Variants in EVA1C observed in about 807,000 individuals in gnomAD.
EVA1C encodes eva-1 homolog C, also known as protein eva-1 homolog C.
Under a neutral mutation model 45.4 loss-of-function variants are expected in EVA1C, and 25 were observed. The ratio of observed to expected loss-of-function variants is 0.55; its 90% confidence interval spans 0.40 to 0.77. The LOEUF is 0.77. Among genes scored for constraint, EVA1C ranks in the 30% least tolerant of loss-of-function variants. The pLI is 0.00. For synonymous variants in EVA1C, 190 were observed against 221.2 expected, an observed-to-expected ratio of 0.86 and a Z score of 1.25; for missense variants, 479 against 554.8, an observed-to-expected ratio of 0.86 and a Z score of 1.37.
intron 1 of EVA1C, among the ~76,000 whole-genome samples, chr21:32,451,321 G>C (rs1260173827): frequency 6.6e-6 from 1 of 152,190 alleles, no homozygotes; most frequent in Non-Finnish European, 1.5e-5. Context: ...TCAGTGAAAA[G>C]TCCCTGGCTC....
intron 2 of EVA1C, among the ~76,000 whole-genome samples, chr21:32,455,144 G>A (rs2035730751): frequency 6.6e-6 from 1 of 152,132 alleles, no homozygotes; most frequent in Non-Finnish European, 1.5e-5. Context: ...CATAGGTTTG[G>A]TGTCTCTACT....
At chr21:32,458,540 T>A (rs2035876108) in intron 3 of EVA1C, among the ~76,000 whole-genome samples, 1 of 149,170 alleles carries the variant, frequency 6.7e-6, no homozygotes, top group South Asian at 2.1e-4. Context: ...TGGAGTGCAA[T>A]GCGCAATCTC....
intron 1 of EVA1C, among the ~76,000 whole-genome samples, chr21:32,427,605 C>T (rs1274703787): frequency 1.3e-5 from 2 of 151,910 alleles, no homozygotes; most frequent in South Asian, 2.1e-4. Flanking sequence ...CCCAGTTACT[C>T]GGGAGGCTGA....
chr21:32,467,375 T>C (rs910212016), intron 3 of EVA1C, among the ~76,000 whole-genome samples: 2 of 152,222 alleles, frequency 1.3e-5, no homozygotes, highest in African/African-American at 4.8e-5. Flanking sequence ...AAGTGGTGAG[T>C]GAGAGAAACT....
chr21:32,461,215 A>G (rs948119630), intron 3 of EVA1C, among the ~76,000 whole-genome samples: 1 of 152,262 alleles, frequency 6.6e-6, no homozygotes, highest in Non-Finnish European at 1.5e-5. Flanking sequence ...GTAGGAGCAC[A>G]GCACCAAGAC....
chr21:32,485,565 C>T (rs1366106247), intron 4 of EVA1C, among the ~76,000 whole-genome samples: 2 of 152,164 alleles, frequency 1.3e-5, no homozygotes, highest in Non-Finnish European at 2.9e-5. Context: ...TGTCCTGGCT[C>T]CTCATGGGCC....
rs185113763 is a variant in EVA1C, at chr21:32,474,737, C to T, written c.634+6889C>T. 2.6e-4 allele frequency among the ~76,000 whole-genome samples: 40 copies of T among 152,354 alleles called. No individual in the cohort carries two copies. Among genetic ancestry groups the T allele is most frequent in the Admixed American group, 2.5e-3 (39 of 15,300 alleles). On this transcript the variant is annotated intron_variant, in intron 4 of 7. Coordinates refer to ENST00000300255, the MANE Select transcript of EVA1C (RefSeq NM_058187.5). This position sits in a 1 kb window ranked among gnomAD's most constrained non-coding sequence, Gnocchi z 4.4. Reference sequence around the variant, plus strand: ...GCCCCTCTGAAGTGAGGTGCCCACACTCGGCTCCCGAGGATGGATAATCGT... The same window carrying T: ...GCCCCTCTGAAGTGAGGTGCCCACATTCGGCTCCCGAGGATGGATAATCGT...
chr21:32,514,773 C>T (rs2146488784), intron 7 of EVA1C, 41 bp from the exon 8 acceptor site: 2 of 1,500,526 alleles, frequency 1.3e-6, no homozygotes. Flanking sequence ...TGGAGTCTGC[C>T]AGCTCCTCCC....
At chr21:32,467,131 T>C (rs1235231894) in intron 3 of EVA1C, among the ~76,000 whole-genome samples, 1 of 152,078 alleles carries the variant, frequency 6.6e-6, no homozygotes, top group Non-Finnish European at 1.5e-5. Context: ...CTAGCCTGGG[T>C]AACAGAGTGA....
intron 3 of EVA1C, among the ~76,000 whole-genome samples, chr21:32,460,756 C>CTTTTT (rs3056330): frequency 8.0e-5 from 12 of 149,822 alleles, no homozygotes; most frequent in Admixed American, 2.0e-4. Context: ...ACAGAAGAAT[C>CTTTTT]TTTTTTTTGG....
chr21:32,465,996 C>T (rs911889860), intron 3 of EVA1C, among the ~76,000 whole-genome samples: 1 of 152,184 alleles, frequency 6.6e-6, no homozygotes, highest in Non-Finnish European at 1.5e-5. Context: ...TGTGACCTCA[C>T]CTTCAGCCTC....
chr21:32,502,102 ACTTTTT>A (rs1024407278), intron 6 of EVA1C, among the ~76,000 whole-genome samples: 2 of 109,918 alleles, frequency 1.8e-5, no homozygotes, highest in Non-Finnish European at 4.0e-5. Context: ...TTCTTTCCTT[ACTTTTT>A]CTTCTTTTTC....
chr21:32,412,700 G>T (rs1270791615), upstream of EVA1C: 37 of 698,320 alleles, frequency 5.3e-5, no homozygotes, highest in Non-Finnish European at 7.7e-5. Context: ...GCTGGCCCGC[G>T]CAGGGGAGGA....
At chr21:32,460,340 C>A (rs1210093713) in intron 3 of EVA1C, among the ~76,000 whole-genome samples, 2 of 152,162 alleles carry the variant, frequency 1.3e-5, no homozygotes, top group African/African-American at 2.4e-5. Context: ...AAAACAACAA[C>A]AAAAAACATC....
At chr21:32,463,055 A>G (rs927076037) in intron 3 of EVA1C, among the ~76,000 whole-genome samples, 1 of 152,144 alleles carries the variant, frequency 6.6e-6, no homozygotes, top group Non-Finnish European at 1.5e-5. Flanking sequence ...TGGTCTCGGC[A>G]GTGATGTGCT....
chr21:32,457,518 C>T (rs2035830301), intron 2 of EVA1C, 79 bp from the exon 3 acceptor site: 2 of 1,581,562 alleles, frequency 1.3e-6, no homozygotes, highest in Non-Finnish European at 1.7e-6. Flanking sequence ...TTTGCAGAGC[C>T]CAGAGCAGCC....
intron 4 of EVA1C, among the ~76,000 whole-genome samples, chr21:32,469,404 G>A (rs1030771169): frequency 4.6e-5 from 7 of 152,186 alleles, no homozygotes; most frequent in Non-Finnish European, 8.8e-5. Flanking sequence ...AAGTGTCCAG[G>A]TAGAGAGAAG....
At chr21:32,428,939 G>A (rs182501341) in intron 1 of EVA1C, among the ~76,000 whole-genome samples, 1 of 152,048 alleles carries the variant, frequency 6.6e-6, no homozygotes, top group East Asian at 1.9e-4. Flanking sequence ...GAACCACAGG[G>A]GAATTCTCAC....
intron 6 of EVA1C, among the ~76,000 whole-genome samples, chr21:32,503,261 A>T (rs2037615747): frequency 6.6e-6 from 1 of 152,218 alleles, no homozygotes; most frequent in Admixed American, 6.5e-5. Flanking sequence ...GTGAAATATT[A>T]TTGGCCGGGA....
Sources: allele counts gnomAD v4.1 joint callset (sites outside exome capture counted in the v4.1 genomes callset), GRCh38; gene constraint gnomAD v4.1.1; non-coding constraint Gnocchi (gnomAD v3.1); transcripts MANE v1.5; gene names NCBI Gene and HGNC (gene_info 2026-07-23, HGNC 2026-07-21).